Variants in CLCN1 observed in about 807,000 individuals in gnomAD.
CLCN1 encodes chloride voltage-gated channel 1, also known as chloride channel protein 1.
Under a neutral mutation model 114.5 loss-of-function variants are expected in CLCN1, and 100 were observed. The observed-to-expected ratio is 0.87, with a 90% confidence interval of 0.74 to 1.03. CLCN1 has a LOEUF of 1.03. Ranked by LOEUF, CLCN1 falls within the 50% of genes least tolerant of loss-of-function variation. CLCN1 has a pLI of 0.00. For missense variants in CLCN1, 1,188 were observed against 1,250.0 expected, an observed-to-expected ratio of 0.95 and a Z score of 0.75; for synonymous variants, 485 against 487.1, an observed-to-expected ratio of 1.00 and a Z score of 0.06.
rs745674068 is a variant in CLCN1 at position 143,320,731 on chromosome 7, T to C, written c.369T>C (p.Leu123=). The C allele has an allele frequency of 5.1e-5, 83 of 1,613,584 alleles. 1 individual carries two copies. Among genetic ancestry groups the C allele is most frequent in the Admixed American group, 1.7e-5 (1 of 59,988 alleles). ...KLGEDGIFLV[L]LGLLMALVSW... is the part of the protein sequence containing the mutation. ...GGGAAGACGGGATCTTTCTGGTGCTTCTGGGACTGCTGATGGCTCTGGTCA... is the reference window on the plus strand; with the variant it reads ...GGGAAGACGGGATCTTTCTGGTGCTCCTGGGACTGCTGATGGCTCTGGTCA... Residue 123 remains leucine, a synonymous_variant, in exon 3 of 23, where the codon CTT becomes CTC. Transcript: ENST00000343257.
chr7:143,345,857 A>G, intron 17 of CLCN1, 95 bp downstream of exon 17: 1 of 1,507,164 alleles, frequency 6.6e-7, no homozygotes, highest in East Asian at 2.4e-5. Flanking sequence ...GGACAGGCGT[A>G]GTTTCCCTGA....
intron 12 of CLCN1, among the ~76,000 whole-genome samples, chr7:143,334,870 T>C (rs1169545598): frequency 1.3e-5 from 2 of 152,252 alleles, no homozygotes; most frequent in African/African-American, 4.8e-5. Flanking sequence ...TTTCAGTGTC[T>C]TGTTAGGGAT....
Position 143,351,619 on chromosome 7 carries a change from C to G in CLCN1, c.2621C>G (p.Thr874Ser), listed in dbSNP as rs776287053. 4 of 1,614,148 alleles carry G rather than the reference C, an allele frequency of 2.5e-6. No homozygotes were observed. Among genetic ancestry groups the G allele is most frequent in the South Asian group, 1.1e-5 (1 of 91,078 alleles). ...CTACAGAAGGCCATTGAGGGGCACA[C>G]CAAGTCTGGGGTGCAGCTCCGCCCT... is the stretch of plus-strand genomic sequence containing the variant. Reference protein sequence around the residue: ...EELQKAIEGHTKSGVQLRPPL... With the variant: ...EELQKAIEGHSKSGVQLRPPL... The change falls in exon 23 of 23, where the codon ACC becomes AGC. Residue 874 changes from threonine (T) to serine (S), a missense_variant. By Grantham distance (58) the Thr-to-Ser change is moderately conservative (BLOSUM62 1). Coordinates refer to ENST00000343257, the MANE Select transcript of CLCN1 (RefSeq NM_000083.3).
intron 12 of CLCN1, among the ~76,000 whole-genome samples, chr7:143,336,657 G>A (rs1297574898): frequency 4.2e-5 from 2 of 47,890 alleles, no homozygotes; most frequent in Non-Finnish European, 7.5e-5. Context: ...AAGGAAGGAA[G>A]GGAAAGAAAG....
chr7:143,329,376 G>T (rs566545693), intron 7 of CLCN1, among the ~76,000 whole-genome samples: 2 of 152,188 alleles, frequency 1.3e-5, no homozygotes, highest in Non-Finnish European at 2.9e-5. Flanking sequence ...CTGAAGGACG[G>T]ATGGTTTCGA....
At chr7:143,351,446 G>A (rs1803397369) in intron 22 of CLCN1, 148 bp from the exon 23 acceptor site, 2 of 811,974 alleles carry the variant, frequency 2.5e-6, no homozygotes, top group East Asian at 2.7e-5. Flanking sequence ...CTTGTTTTCT[G>A]TTTCTCTTTC....
At chr7:143,343,265 G>A (rs978177050) in intron 16 of CLCN1, among the ~76,000 whole-genome samples, 2 of 152,146 alleles carry the variant, frequency 1.3e-5, no homozygotes, top group African/African-American at 4.8e-5. Context: ...CTTGCACTAG[G>A]AACAGTAAAC....
In CLCN1 at chr7:143,342,069, C is replaced by G; in HGVS notation, c.1723C>G (p.Pro575Ala). The G allele has an allele frequency of 6.2e-7, 1 of 1,614,166 alleles. No homozygotes were observed. The highest frequency in any genetic ancestry group is 8.5e-7 in the Non-Finnish European group (1 of 1,180,020). The change falls in exon 15 of 23, where the codon CCC becomes GCC. Residue 575 changes from proline (P) to alanine (A), a missense_variant. Physicochemically the swap from Pro to Ala is conservative, Grantham distance 27 (BLOSUM62 -1). Coordinates refer to ENST00000343257, the MANE Select transcript of CLCN1 (RefSeq NM_000083.3). ...CAACATGGTGGCCCAGAGCCTGCAG[C>G]CCTCTCTCTATGACAGCATCATCCA... ...LANMVAQSLQ[P>A]SLYDSIIQVK...
intron 16 of CLCN1, 117 bp downstream of exon 16, chr7:143,342,622 T>A (rs1026831977): frequency 2.0e-6 from 2 of 1,023,974 alleles, no homozygotes; most frequent in African/African-American, 1.6e-5. Flanking sequence ...ATGTGCTATG[T>A]ACAAGGAAGG....
At chr7:143,348,873 C>T (rs1803321991) in intron 20 of CLCN1, among the ~76,000 whole-genome samples, 1 of 152,172 alleles carries the variant, frequency 6.6e-6, no homozygotes, top group South Asian at 2.1e-4. Context: ...GGAATACAAA[C>T]AGCAGTCAAG....
At position 143,316,166 on chromosome 7, in the gene CLCN1, CAG is replaced by C. The variant is rs753511969; in HGVS notation, c.-46_-45del. On this transcript the variant is annotated 5_prime_UTR_variant, in exon 1 of 23. Transcript: ENST00000343257. ...TTAAGGAGCTACACTGGGGGAAGGACAGGGGCAAGCAGGCCAAGGCCTGGCCG... is the reference window on the plus strand; with the variant it reads ...TTAAGGAGCTACACTGGGGGAAGGACGGGCAAGCAGGCCAAGGCCTGGCCG... 3 of 1,506,346 alleles carry C rather than the reference CAG, an allele frequency of 2.0e-6. No homozygotes were observed. The highest frequency in any genetic ancestry group is 2.3e-5 in the East Asian group (1 of 44,380). 93.3% of individuals were successfully genotyped at this position (1,506,346 alleles called of 1,614,324 possible).
rs1190038945 is a variant in CLCN1 at position 143,351,475 on chromosome 7, A to G, written c.2596-119A>G. Reference sequence around the variant, plus strand: ...CTCTTTCTCCCCGTTTTGCCACTCTATATCTTTCCTGTTCTTTTTTCCTTT... The same window carrying G: ...CTCTTTCTCCCCGTTTTGCCACTCTGTATCTTTCCTGTTCTTTTTTCCTTT... On this transcript the variant is annotated intron_variant, in intron 22 of 22. Transcript: ENST00000343257. The G allele has an allele frequency of 4.5e-5, 50 of 1,116,440 alleles. No individual in the cohort carries two copies. The Middle Eastern group carries it at 7.4e-4, about 16-fold the overall frequency. The allele number at this position is 1,116,440 out of a possible 1,614,324, so 69.2% of individuals were successfully genotyped here. A position where few individuals can be genotyped will look rare whatever the true frequency, so the allele number is the denominator to read the frequency against.
chr7:143,321,617 C>T lies in CLCN1; in HGVS notation c.563-98C>T, dbSNP rs1269882125. ...CTTGCCCCATCCTCCCCACCACTGC[C>T]TCTTCAGCCCTCTCCAATTCCCATT... is the stretch of plus-strand genomic sequence containing the variant. On this transcript the variant is annotated intron_variant, in intron 4 of 22. Coordinates refer to ENST00000343257, the MANE Select transcript of CLCN1 (RefSeq NM_000083.3). The surrounding 1 kb of genome is among the most constrained non-coding windows in gnomAD (Gnocchi z 4.2). 1.2e-6 allele frequency: 2 copies of T among 1,603,626 alleles called. No homozygotes were observed. The highest frequency in any genetic ancestry group is 1.7e-5 in the Admixed American group (1 of 60,004).
At chr7:143,316,629 C>T (rs1802298675) in intron 1 of CLCN1, among the ~76,000 whole-genome samples, 1 of 152,094 alleles carries the variant, frequency 6.6e-6, no homozygotes, top group African/African-American at 2.4e-5. Flanking sequence ...AACAGAGTAC[C>T]CAAATCATAT....
chr7:143,326,578 C>T (rs1022717335), intron 7 of CLCN1, among the ~76,000 whole-genome samples: 3 of 152,132 alleles, frequency 2.0e-5, no homozygotes, highest in Non-Finnish European at 2.9e-5. Context: ...TTATGCTAAC[C>T]TGCCTACAAG....
Position 143,350,426 on chromosome 7 carries a change from T to G in CLCN1, c.2458T>G (p.Cys820Gly), listed in dbSNP as rs1228087674. The change falls in exon 21 of 23, where the codon TGT becomes GGT. Residue 820 changes from cysteine (C) to glycine (G), a missense_variant. By Grantham distance (159) the Cys-to-Gly change is radical (BLOSUM62 -3). Transcript: ENST00000343257. This position sits in a 1 kb window ranked among gnomAD's most constrained non-coding sequence, Gnocchi z 5.1. Reference protein sequence around the residue: ...LSQPVCFDSCCIDQSPFQLVE... With the variant: ...LSQPVCFDSCGIDQSPFQLVE... ...CCAGCCTGTCTGTTTTGATTCCTGC[T>G]GTATTGACCAGTCTCCCTTCCAGCT... 8 of 1,614,136 alleles carry G rather than the reference T, an allele frequency of 5.0e-6. No individual in the cohort carries two copies. The highest frequency in any genetic ancestry group is 6.8e-6 in the Non-Finnish European group (8 of 1,180,058).
At chr7:143,345,467 G>T in intron 16 of CLCN1, 54 bp from the exon 17 acceptor site, 1 of 1,484,276 alleles carries the variant, frequency 6.7e-7, no homozygotes, top group Non-Finnish European at 9.0e-7. Context: ...GCGGAGCGCG[G>T]TGGTGCGAGA....
In CLCN1 at chr7:143,321,459, C is replaced by T; in HGVS notation, c.528C>T (p.Ala176=). 1 of 1,614,170 alleles carries T rather than the reference C, an allele frequency of 6.2e-7. No individual in the cohort carries two copies. Among genetic ancestry groups the T allele is most frequent in the Non-Finnish European group, 8.5e-7 (1 of 1,180,028 alleles). Residue 176 remains alanine (A), a synonymous_variant, in exon 4 of 23, where the codon GCC becomes GCT. Coordinates refer to ENST00000343257, the MANE Select transcript of CLCN1 (RefSeq NM_000083.3). This position sits in a 1 kb window ranked among gnomAD's most constrained non-coding sequence, Gnocchi z 4.2. ...TFPLVLILFS[A]LFCHLISPQA... is the part of the protein sequence containing the mutation. ...CACTAGTCCTCATCCTCTTCAGCGCCCTCTTCTGCCACCTCATCTCTCCCC... is the reference window on the plus strand; with the variant it reads ...CACTAGTCCTCATCCTCTTCAGCGCTCTCTTCTGCCACCTCATCTCTCCCC...
chr7:143,350,756 T>C lies in CLCN1; in HGVS notation c.2595+102T>C. ...GAATATTAGCATCTCAGAAGTCCCC[T>C]CAGATTCCCTTCTCTATTTCTTTCT... On this transcript the variant is annotated intron_variant, in intron 22 of 22. Transcript: ENST00000343257. This position sits in a 1 kb window ranked among gnomAD's most constrained non-coding sequence, Gnocchi z 5.1. 2.5e-6 allele frequency: 2 copies of C among 804,386 alleles called. No homozygotes were observed. The highest frequency in any genetic ancestry group is 2.4e-5 in the East Asian group (1 of 40,900). 49.8% of individuals were successfully genotyped at this position (804,386 alleles called of 1,614,324 possible).
Sources: gnomAD v4.1 joint callset for allele counts (sites outside exome capture counted in the v4.1 genomes callset) on GRCh38, gnomAD v4.1.1 for gene constraint, Gnocchi (gnomAD v3.1) non-coding constraint, MANE v1.5 for transcripts, NCBI Gene and HGNC (gene_info 2026-07-23, HGNC 2026-07-21) for gene names.